The following USH1C variants were observed in gnomAD, a reference collection of about 807,000 sequenced individuals.
The protein encoded by USH1C is USH1 protein network component harmonin.
A neutral mutation model predicts 119.3 loss-of-function variants in USH1C; 90 were observed. The ratio of observed to expected loss-of-function variants is 0.75; its 90% CI spans 0.64 to 0.90. The LOEUF (loss-of-function observed/expected upper bound fraction) is 0.90, where lower values mean the gene tolerates loss of function less well. Ranked by LOEUF, USH1C falls within the 40% of genes least tolerant of loss-of-function variation. The pLI is 0.00. For missense variants in USH1C, 1,165 were observed against 1,167.7 expected (o/e 1.00, Z 0.03); for synonymous variants, 465 against 443.3 (o/e 1.05, Z -0.62).
At chr11:17,533,029 G>C (rs1851056637) in intron 2 of USH1C, among the ~76,000 whole-genome samples, 1 of 152,176 alleles carries the variant, frequency 6.6e-6, no homozygotes, top group Non-Finnish European at 1.5e-5. Context: ...TGAAAACAGA[G>C]ACCAATCTGT....
chr11:17,527,441 T>A, intron 4 of USH1C, 110 bp from the exon 5 acceptor site: 13 of 876,590 alleles, frequency 1.5e-5, no homozygotes, highest in Non-Finnish European at 2.4e-5. Context: ...GAAGGGTGGC[T>A]GTGCCACCCC....
At chr11:17,541,194 C>T (rs537069000) in intron 1 of USH1C, among the ~76,000 whole-genome samples, 6 of 152,180 alleles carry the variant, frequency 3.9e-5, no homozygotes, top group Non-Finnish European at 8.8e-5. Flanking sequence ...TCTCTCTCTC[C>T]CCATCTTAGT....
chr11:17,517,054 T>C (rs1024646909), intron 14 of USH1C, among the ~76,000 whole-genome samples: 3 of 152,158 alleles, frequency 2.0e-5, no homozygotes, highest in Admixed American at 6.5e-5. Context: ...AGCCTCCTGC[T>C]GGACCAGACA....
intron 15 of USH1C, 33 bp from the exon 16 acceptor site, chr11:17,512,087 G>A: frequency 1.2e-6 from 2 of 1,612,280 alleles, no homozygotes; most frequent in Non-Finnish European, 1.7e-6. Flanking sequence ...ATATGACAAA[G>A]GTTAGAAATA....
chr11:17,501,929 C>T lies in USH1C; in HGVS notation c.2226+10G>A, dbSNP rs751541429. 6.2e-7 allele frequency: 1 copy of T among 1,613,446 alleles called. No individual in the cohort carries two copies. Among genetic ancestry groups the T allele is most frequent in the Non-Finnish European group, 8.5e-7 (1 of 1,179,724 alleles). On this transcript the variant is annotated intron_variant, in intron 21 of 26. Coordinates refer to ENST00000005226, the MANE Select transcript of USH1C (RefSeq NM_153676.4). Reference sequence around the variant, plus strand: ...GGTTACTTGTCCAGGAGAGAAGCGTCATCTCTTACCATAGAGTAGGGGTCA... The same window carrying T: ...GGTTACTTGTCCAGGAGAGAAGCGTTATCTCTTACCATAGAGTAGGGGTCA...
chr11:17,533,372 C>CCCA (rs3033420), intron 1 of USH1C, 50 bp from the exon 2 acceptor site: 27 of 1,343,586 alleles, frequency 2.0e-5, no homozygotes, highest in Non-Finnish European at 2.4e-5. Flanking sequence ...CACCCGCCCC[C>CCCA]ATAGCAGACC....
intron 6 of USH1C, 24 bp from the exon 7 acceptor site, chr11:17,526,834 G>T (rs1470545585): frequency 9.3e-6 from 15 of 1,609,218 alleles, no homozygotes; most frequent in Non-Finnish European, 1.3e-5. Context: ...AAAATAGATG[G>T]GAGGGTGGTT....
intron 1 of USH1C, chr11:17,533,542 T>G: frequency 1.6e-6 from 1 of 634,210 alleles, no homozygotes; most frequent in Non-Finnish European, 2.9e-6. Context: ...CCGCTGCCCC[T>G]CCAGATGTGG....
chr11:17,495,877 G>T (rs1257960693), intron 25 of USH1C, among the ~76,000 whole-genome samples, 200 bp from the exon 26 acceptor site: 1 of 151,814 alleles, frequency 6.6e-6, no homozygotes, highest in Non-Finnish European at 1.5e-5. Flanking sequence ...GAGCAAGCAG[G>T]CCCAGCCACG....
At chr11:17,500,575 T>C (rs1051907067) in intron 23 of USH1C, among the ~76,000 whole-genome samples, 3 of 151,950 alleles carry the variant, frequency 2.0e-5, no homozygotes, top group Non-Finnish European at 2.9e-5. Context: ...GTTTCGGGGG[T>C]TTCCACGTGC....
chr11:17,495,501 G>A lies in USH1C; in HGVS notation c.2655+68C>T, dbSNP rs541121853. On this transcript the variant is annotated intron_variant, in intron 26 of 26. Transcript: ENST00000005226. Reference sequence around the variant, plus strand: ...CCAGTCCAAAGAACCTGCTGACAGCGTGGGCAGCAGATGGCCACTGCAAGC... The same window carrying A: ...CCAGTCCAAAGAACCTGCTGACAGCATGGGCAGCAGATGGCCACTGCAAGC... 270 of 1,496,552 alleles carry A rather than the reference G, an allele frequency of 1.8e-4. 1 individual carries two copies. The African/African-American group carries it at 2.9e-3, about 16-fold the overall frequency. 92.7% of individuals were successfully genotyped at this position (1,496,552 alleles called of 1,614,324 possible). A position where few individuals can be genotyped will look rare whatever the true frequency, so the allele number is the denominator to read the frequency against.
rs1849236678 is a variant in USH1C at position 17,495,997 on chromosome 11, A to G, written c.2547-320T>C. Among the ~76,000 whole-genome samples the G allele has an allele frequency of 1.1e-4, 17 of 152,202 alleles. 1 individual carries two copies. The South Asian group carries it at 3.5e-3, about 32-fold the overall frequency. On this transcript the variant is annotated intron_variant, in intron 25 of 26. Transcript: ENST00000005226. ...GGTGAGACACCACACAGAGGCAGAGAAACAGAGAAAGGCAGACAAAGAGGT... is the reference window on the plus strand; with the variant it reads ...GGTGAGACACCACACAGAGGCAGAGGAACAGAGAAAGGCAGACAAAGAGGT...
chr11:17,497,238 C>G (rs1206890884), intron 24 of USH1C, among the ~76,000 whole-genome samples: 1 of 152,136 alleles, frequency 6.6e-6, no homozygotes, highest in Non-Finnish European at 1.5e-5. Context: ...GACTTCTGGC[C>G]CAGCTTTTTG....
chr11:17,528,873 C>T lies in USH1C; in HGVS notation c.388-1542G>A, dbSNP rs113785973. ...AATTCAAGGACAGCGGCCAGACTAA[C>T]TCCTTCCACCTATTTTTCACAACAA... On this transcript the variant is annotated intron_variant, in intron 4 of 26. Transcript: ENST00000005226. 1.9e-3 allele frequency among the ~76,000 whole-genome samples: 297 copies of T among 152,380 alleles called. 2 individuals are homozygous for T. The highest frequency in any genetic ancestry group is 6.2e-3 in the African/African-American group (257 of 41,590).
intron 14 of USH1C, chr11:17,517,605 G>A: frequency 1.1e-6 from 1 of 874,874 alleles, no homozygotes; most frequent in Non-Finnish European, 1.8e-6. Context: ...GTCAGGGGCA[G>A]GGGACAGAGT....
At chr11:17,504,573 G>T in intron 20 of USH1C, 74 bp downstream of exon 20, 1 of 1,538,416 alleles carries the variant, frequency 6.5e-7, no homozygotes. Context: ...CTCCCAGAGA[G>T]AAAGAAGTGG....
chr11:17,496,592 G>A (rs954404492), intron 25 of USH1C, among the ~76,000 whole-genome samples, 166 bp downstream of exon 25: 1 of 152,242 alleles, frequency 6.6e-6, no homozygotes, highest in Non-Finnish European at 1.5e-5. Flanking sequence ...TAAGGACAAT[G>A]ACTTGGCTCT....
intron 21 of USH1C, 46 bp downstream of exon 21, chr11:17,501,893 C>T (rs1179217422): frequency 1.2e-6 from 2 of 1,603,738 alleles, no homozygotes; most frequent in Non-Finnish European, 1.7e-6. Context: ...CCCACACTGC[C>T]CTGTTCCTGG....
At chr11:17,537,962 T>A (rs4757540) in intron 1 of USH1C, among the ~76,000 whole-genome samples, 89,081 of 152,108 alleles carry the variant, frequency 0.59, 26,430 homozygotes, top group African/African-American at 0.68. Context: ...TTTTTTTCAA[T>A]CTACCACATG....
Sources: allele counts gnomAD v4.1 joint callset (sites outside exome capture counted in the v4.1 genomes callset), GRCh38; gene constraint gnomAD v4.1.1; transcripts MANE v1.5; gene names NCBI Gene and HGNC (gene_info 2026-07-23, HGNC 2026-07-21).